PHACTR2: variants seen among roughly 807,000 people sequenced by gnomAD.
PHACTR2 encodes the protein phosphatase and actin regulator 2.
Under a neutral mutation model 76.0 loss-of-function variants are expected in PHACTR2, and 30 were observed. The ratio of observed to expected loss-of-function variants is 0.39; its 90% CI spans 0.30 to 0.54. The LOEUF (loss-of-function observed/expected upper bound fraction) is 0.54. PHACTR2 is among the 20% of genes least tolerant of loss of function. The pLI is 0.61. For synonymous variants in PHACTR2, 292 were observed against 292.5 expected (o/e 1.00, Z 0.02); for missense variants, 696 against 781.1 (o/e 0.89, Z 1.30).
rs996766654 is a variant in PHACTR2 at position 143,658,643 on chromosome 6, C to T, written c.13+50321C>T. ...CACTGAATACTACAGACAATTATAACACAATGGTAAGCATTTGTGTATCTA... is the reference window on the plus strand; with the variant it reads ...CACTGAATACTACAGACAATTATAATACAATGGTAAGCATTTGTGTATCTA... On this transcript the variant is annotated intron_variant, in intron 1 of 11. Transcript: ENST00000305766. This position sits in a 1 kb window ranked among gnomAD's most constrained non-coding sequence, Gnocchi z 4.1. Among the ~76,000 whole-genome samples, 3 of 152,138 alleles carry T rather than the reference C, an allele frequency of 2.0e-5. No individual in the cohort carries two copies. Among genetic ancestry groups the T allele is most frequent in the Admixed American group, 2.0e-4 (3 of 15,272 alleles).
Position 143,624,150 on chromosome 6 carries a change from A to T in PHACTR2, c.13+15828A>T, listed in dbSNP as rs1007493526. 1.4e-4 allele frequency among the ~76,000 whole-genome samples: 22 copies of T among 152,136 alleles called. No homozygotes were observed. The highest frequency in any genetic ancestry group is 3.9e-4 in the Admixed American group (6 of 15,270). ...TTTAGACAGTATTGCTCTTTTGCCC[A>T]GGCTGGAGTGCAGTGGCCCAATCTC... On this transcript the variant is annotated intron_variant, in intron 1 of 11. Coordinates refer to the PHACTR2 transcript ENST00000305766. The surrounding 1 kb of genome is among the most constrained non-coding windows in gnomAD (Gnocchi z 4.6).
In PHACTR2 at chr6:143,730,307, A is replaced by G. The variant is rs1234601203; in HGVS notation, c.214+18124A>G. Among the ~76,000 whole-genome samples the G allele has an allele frequency of 6.6e-6, 1 of 152,160 alleles. No individual in the cohort carries two copies. The highest frequency in any genetic ancestry group is 1.5e-5 in the Non-Finnish European group (1 of 68,022). On this transcript the variant is annotated intron_variant, in intron 2 of 12. Coordinates refer to ENST00000440869, the MANE Select transcript of PHACTR2 (RefSeq NM_001100164.2). The surrounding 1 kb of genome is among the most constrained non-coding windows in gnomAD (Gnocchi z 4.8). ...TATACCATATTGAACTTTCTAATTTATGAACTGGTATGCCTCTCCATTTGA... is the reference window on the plus strand; with the variant it reads ...TATACCATATTGAACTTTCTAATTTGTGAACTGGTATGCCTCTCCATTTGA...
At chr6:143,682,775 TG>T (rs201685591) in intron 1 of PHACTR2, among the ~76,000 whole-genome samples, 2,801 of 135,934 alleles carry the variant, frequency 0.021, 73 homozygotes, top group African/African-American at 0.069. Context: ...GTTGTTTTTT[TG>T]TTTTTTGTTT....
rs1029664070 is a variant in PHACTR2, at chr6:143,731,030, G to A, written c.215-17955G>A. 6.6e-6 allele frequency among the ~76,000 whole-genome samples: 1 copy of A among 152,174 alleles called. No individual in the cohort carries two copies. Among genetic ancestry groups the A allele is most frequent in the African/African-American group, 2.4e-5 (1 of 41,434 alleles). Reference sequence around the variant, plus strand: ...TCAAAAGTGCTGAGATTACAGGCGTGAGCCACCACGTCCAGCCCAGTTGAA... The same window carrying A: ...TCAAAAGTGCTGAGATTACAGGCGTAAGCCACCACGTCCAGCCCAGTTGAA... On this transcript the variant is annotated intron_variant, in intron 2 of 12. Transcript: ENST00000440869. This position sits in a 1 kb window ranked among gnomAD's most constrained non-coding sequence, Gnocchi z 4.9.
chr6:143,620,633 C>T (rs1305449857), intron 1 of PHACTR2, among the ~76,000 whole-genome samples: 2 of 152,176 alleles, frequency 1.3e-5, no homozygotes, highest in Non-Finnish European at 2.9e-5. Flanking sequence ...CAGCCTCATG[C>T]ACAGCTTAAC....
In PHACTR2 at chr6:143,595,713, G is replaced by A. The variant is rs1399123282; in HGVS notation, c.217+58506G>A. Among the ~76,000 whole-genome samples the A allele has an allele frequency of 6.6e-6, 1 of 152,224 alleles. No homozygotes were observed. Reference sequence around the variant, plus strand: ...CAGCCCTCTTTCGTGAAGAGGACTAGAGGTGGTTTTGTTGTTGTTTTTAAA... The same window carrying A: ...CAGCCCTCTTTCGTGAAGAGGACTAAAGGTGGTTTTGTTGTTGTTTTTAAA... On this transcript the variant is annotated intron_variant, in intron 1 of 11. Coordinates refer to the PHACTR2 transcript ENST00000367584. The surrounding 1 kb of genome is among the most constrained non-coding windows in gnomAD (Gnocchi z 4.2).
At position 143,731,771 on chromosome 6, in the gene PHACTR2, G is replaced by A. The variant is rs1778705592; in HGVS notation, c.215-17214G>A. On this transcript the variant is annotated intron_variant, in intron 2 of 12. Transcript: ENST00000440869. This position sits in a 1 kb window ranked among gnomAD's most constrained non-coding sequence, Gnocchi z 4.9. ...AACTGTTCCCTCCTCTTCTGTTCCT[G>A]GAAGAGACTGTGTAGATTTGTTGTT... is the stretch of plus-strand genomic sequence containing the variant. 6.6e-6 allele frequency among the ~76,000 whole-genome samples: 1 copy of A among 152,192 alleles called. No homozygotes were observed. Among genetic ancestry groups the A allele is most frequent in the African/African-American group, 2.4e-5 (1 of 41,454 alleles).
intron 1 of PHACTR2, among the ~76,000 whole-genome samples, chr6:143,613,797 C>T (rs1776017650): frequency 6.6e-6 from 1 of 152,188 alleles, no homozygotes. Flanking sequence ...AAATTATACG[C>T]CATTCCATAT....
In PHACTR2 at chr6:143,816,658, C is replaced by T. The variant is rs780343412; in HGVS notation, c.1923-7016C>T. Among the ~76,000 whole-genome samples, 22 of 151,506 alleles carry T rather than the reference C, an allele frequency of 1.5e-4. No individual in the cohort carries two copies. The highest frequency in any genetic ancestry group is 2.5e-4 in the Non-Finnish European group (17 of 67,938). On this transcript the variant is annotated intron_variant, in intron 12 of 12. Coordinates refer to ENST00000440869, the MANE Select transcript of PHACTR2 (RefSeq NM_001100164.2). The surrounding 1 kb of genome is among the most constrained non-coding windows in gnomAD (Gnocchi z 4.5). ...AGACTGTGGAACTCACTGTGTACTG[C>T]GATCCATGGGCAAATGGTGTGTGCA... is the stretch of plus-strand genomic sequence containing the variant.
chr6:143,708,423 T>C lies in PHACTR2; in HGVS notation c.47-3593T>C, dbSNP rs552810766. On this transcript the variant is annotated intron_variant, in intron 1 of 12. Coordinates refer to ENST00000440869, the MANE Select transcript of PHACTR2 (RefSeq NM_001100164.2). This position sits in a 1 kb window ranked among gnomAD's most constrained non-coding sequence, Gnocchi z 5.5. ...AGGTAAGTTCTGATGAATGACAAGT[T>C]ACTCTTAGTAACATAAAAATGGATC... Among the ~76,000 whole-genome samples, 193 of 152,344 alleles carry C rather than the reference T, an allele frequency of 1.3e-3. No homozygotes were observed. The highest frequency in any genetic ancestry group is 4.5e-3 in the African/African-American group (186 of 41,584).
chr6:143,607,775 C>T (rs1028244671), upstream of PHACTR2, among the ~76,000 whole-genome samples: 1 of 152,176 alleles, frequency 6.6e-6, no homozygotes, highest in African/African-American at 2.4e-5. Context: ...AACCAAAACA[C>T]TTTAAAATTT....
chr6:143,537,924 T>A lies in PHACTR2; in HGVS notation c.217+717T>A, dbSNP rs1781133729. Among the ~76,000 whole-genome samples, 2 of 152,166 alleles carry A rather than the reference T, an allele frequency of 1.3e-5. No individual in the cohort carries two copies. Among genetic ancestry groups the A allele is most frequent in the African/African-American group, 4.8e-5 (2 of 41,440 alleles). On this transcript the variant is annotated intron_variant, in intron 1 of 11. Transcript: ENST00000367584. The surrounding 1 kb of genome is among the most constrained non-coding windows in gnomAD (Gnocchi z 4.4). Reference sequence around the variant, plus strand: ...AAGTTCGAGACCGGCCTGGCCAACATGGTCAGGAAACTTCGTCCCTACTAA... The same window carrying A: ...AAGTTCGAGACCGGCCTGGCCAACAAGGTCAGGAAACTTCGTCCCTACTAA...
At position 143,684,031 on chromosome 6, in the gene PHACTR2, G is replaced by T. The variant is rs74920119; in HGVS notation, c.46+5822G>T. ...TAAATGAACACTATTATAGTATGTG[G>T]ATATATGAAAACTTCCTTTAAAAGA... On this transcript the variant is annotated intron_variant, in intron 1 of 12. Coordinates refer to ENST00000440869, the MANE Select transcript of PHACTR2 (RefSeq NM_001100164.2). This position sits in a 1 kb window ranked among gnomAD's most constrained non-coding sequence, Gnocchi z 4.3. Among the ~76,000 whole-genome samples, 2 of 152,082 alleles carry T rather than the reference G, an allele frequency of 1.3e-5. No individual in the cohort carries two copies. Among genetic ancestry groups the T allele is most frequent in the Non-Finnish European group, 2.9e-5 (2 of 67,994 alleles).
At chr6:143,748,399 C>G (rs1779115273) in intron 2 of PHACTR2, among the ~76,000 whole-genome samples, 1 of 152,218 alleles carries the variant, frequency 6.6e-6, no homozygotes, top group South Asian at 2.1e-4. Context: ...CTTCTCCATC[C>G]TCCTAAGACC....
intron 1 of PHACTR2, among the ~76,000 whole-genome samples, chr6:143,545,984 T>A (rs1194400343): frequency 6.6e-6 from 1 of 152,206 alleles, no homozygotes; most frequent in African/African-American, 2.4e-5. Context: ...TTAGGTGGAT[T>A]CTTTTAATCT....
rs1339619119 is a variant in PHACTR2, at chr6:143,556,735, A to G, written c.217+19528A>G. Among the ~76,000 whole-genome samples the G allele has an allele frequency of 6.6e-6, 1 of 152,218 alleles. No individual in the cohort carries two copies. The highest frequency in any genetic ancestry group is 1.5e-5 in the Non-Finnish European group (1 of 68,036). On this transcript the variant is annotated intron_variant, in intron 1 of 11. Transcript: ENST00000367584. This position sits in a 1 kb window ranked among gnomAD's most constrained non-coding sequence, Gnocchi z 4.3. ...GGAGAAGGAAGACGTACATCACCAC[A>G]GGACCACAGCGACGCATCACCATGG...
At position 143,641,141 on chromosome 6, in the gene PHACTR2, AG is replaced by A. The variant is rs1287377843; in HGVS notation, c.13+32824del. Among the ~76,000 whole-genome samples, 3 of 152,184 alleles carry A rather than the reference AG, an allele frequency of 2.0e-5. No individual in the cohort carries two copies. Among genetic ancestry groups the A allele is most frequent in the Non-Finnish European group, 4.4e-5 (3 of 68,032 alleles). On this transcript the variant is annotated intron_variant, in intron 1 of 11. Transcript: ENST00000305766. This position sits in a 1 kb window ranked among gnomAD's most constrained non-coding sequence, Gnocchi z 5.8. ...GGCAGAAGGGCAAAGAGAGAGCAAG[AG>A]GGGGTTCAAACTTGCCATTTTATCG...
upstream of PHACTR2, among the ~76,000 whole-genome samples, chr6:143,674,369 T>C (rs1035361458): frequency 2.0e-5 from 3 of 152,212 alleles, no homozygotes; most frequent in African/African-American, 7.2e-5. The surrounding 1 kb of genome is among the most constrained non-coding windows in gnomAD (Gnocchi z 4.9). Flanking sequence ...GTTTTTAGTA[T>C]ACTATTAGGA....
rs528586486 is a variant in PHACTR2 at position 143,670,482 on chromosome 6, TC to T, written c.14-41533del. On this transcript the variant is annotated intron_variant, in intron 1 of 11. Transcript: ENST00000305766. Reference sequence around the variant, plus strand: ...TCCCCGTCACTTTCAGGTAGACCATTCAAACGTAGGTTTGGTCTTTTCACAT... The same window carrying T: ...TCCCCGTCACTTTCAGGTAGACCATTAAACGTAGGTTTGGTCTTTTCACAT... Among the ~76,000 whole-genome samples, 238 of 152,334 alleles carry T rather than the reference TC, an allele frequency of 1.6e-3. 3 individuals carry two copies. The South Asian group carries it at 0.027, about 17-fold the overall frequency.
Sources: allele counts gnomAD v4.1 joint callset (sites outside exome capture counted in the v4.1 genomes callset), GRCh38; gene constraint gnomAD v4.1.1; non-coding constraint Gnocchi (gnomAD v3.1); transcripts MANE v1.5; gene names NCBI Gene and HGNC (gene_info 2026-07-23, HGNC 2026-07-21).